The following SMURF2 variants were observed in gnomAD, a reference collection of about 807,000 sequenced individuals.
SMURF2 encodes E3 ubiquitin-protein ligase SMURF2.
In SMURF2, 48 loss-of-function variants were observed where a neutral mutation model predicts 109.6. That is an observed-to-expected ratio of 0.44 (90% CI 0.35 to 0.56). The LOEUF (loss-of-function observed/expected upper bound fraction) is 0.56, where lower values mean the gene tolerates loss of function less well. Among genes scored for constraint, SMURF2 ranks in the 20% least tolerant of loss-of-function variants. SMURF2 has a pLI of 0.01. For missense variants in SMURF2, 575 were observed against 909.0 expected (o/e 0.63, Z 4.72); for synonymous variants, 288 against 317.1 (o/e 0.91, Z 0.97).
intron 15 of SMURF2, 54 bp downstream of exon 15, chr17:64,554,802 T>C: frequency 6.5e-7 from 1 of 1,548,546 alleles, no homozygotes; most frequent in Non-Finnish European, 8.9e-7. Flanking sequence ...TTGTTCATAC[T>C]AACATTCTAG....
In SMURF2 at chr17:64,545,716, T is replaced by TAA. The variant is rs1555683029; in HGVS notation, c.*130_*131dup. Reference sequence around the variant, plus strand: ...TTTCCCCTCACAGTGTCCTAAAATGTAAAAAAAAAAAAAAAAAGGGGGGGG... The same window carrying TAA: ...TTTCCCCTCACAGTGTCCTAAAATGTAAAAAAAAAAAAAAAAAAAGGGGGGGG... On this transcript the variant is annotated 3_prime_UTR_variant, in exon 19 of 19. Transcript: ENST00000262435. The TAA allele has an allele frequency of 5.9e-4, 80 of 134,660 alleles. 1 individual carries two copies. Among genetic ancestry groups the TAA allele is most frequent in the Non-Finnish European group, 6.5e-4 (46 of 70,390 alleles). The allele number at this position is 134,660 out of a possible 1,614,324, so 8.3% of individuals were successfully genotyped here. A position where few individuals can be genotyped will look rare whatever the true frequency, so the allele number is the denominator to read the frequency against.
At position 64,544,537 on chromosome 17, in the gene SMURF2, G is replaced by A. The variant is rs900895021; in HGVS notation, c.*1311C>T. On this transcript the variant is annotated 3_prime_UTR_variant, in exon 19 of 19. Coordinates refer to ENST00000262435, the MANE Select transcript of SMURF2 (RefSeq NM_022739.4). ...TTCAATCCCTCACCCCAGAGTTTTC[G>A]TTGCTTCTGGATCATTCAACATGCA... The A allele has an allele frequency of 2.6e-5, 4 of 151,956 alleles. 1 individual carries two copies. The highest frequency in any genetic ancestry group is 4.4e-5 in the Non-Finnish European group (3 of 68,002). 9.4% of individuals were successfully genotyped at this position (151,956 alleles called of 1,614,324 possible). A position where few individuals can be genotyped will look rare whatever the true frequency, so the allele number is the denominator to read the frequency against.
intron 10 of SMURF2, 74 bp downstream of exon 10, chr17:64,571,724 T>G: frequency 2.1e-6 from 3 of 1,417,910 alleles, no homozygotes; most frequent in Non-Finnish European, 2.9e-6. Flanking sequence ...GAGACTCACA[T>G]TTATTATTAA....
chr17:64,614,000 G>C (rs544810625), intron 1 of SMURF2, among the ~76,000 whole-genome samples: 1 of 151,810 alleles, frequency 6.6e-6, no homozygotes. Flanking sequence ...TAGATCCCTC[G>C]CATGCGCAGT....
rs548461235 is a variant in SMURF2, at chr17:64,561,536, C to G, written c.1280G>C (p.Arg427Pro). ...TCCATAGTCAAGGCCTTCTTCTCCACGAAATTTTATCATTAATCGCTTCCA... is the reference window on the plus strand; with the variant it reads ...TCCATAGTCAAGGCCTTCTTCTCCAGGAAATTTTATCATTAATCGCTTCCA... ...DLWKRLMIKF[R>P]GEEGLDYGGV... is the part of the protein sequence containing the mutation. The change falls in exon 12 of 19, where the codon CGT becomes CCT. Residue 427 changes from arginine to proline, a missense_variant. Physicochemically the swap from Arg to Pro is moderately radical, Grantham distance 103. Coordinates refer to ENST00000262435, the MANE Select transcript of SMURF2 (RefSeq NM_022739.4). 1.2e-6 allele frequency: 2 copies of G among 1,613,958 alleles called. No individual in the cohort carries two copies. The highest frequency in any genetic ancestry group is 2.2e-5 in the East Asian group (1 of 44,872).
At chr17:64,613,717 TGTGTGTGTGTGTGTGTGTGTGTGTGTGG>T (rs2144685591) in intron 1 of SMURF2, among the ~76,000 whole-genome samples, 1 of 136,144 alleles carries the variant, frequency 7.3e-6, no homozygotes, top group African/African-American at 2.8e-5. Context: ...TGTGTGTGTG[TGTGTGTGTGTGTGTGTGTGTGTGTGTGG>T]AGGGGGGGCA....
chr17:64,662,201 G>T lies in SMURF2; in HGVS notation c.-321C>A. 2 of 1,035,068 alleles carry T rather than the reference G, an allele frequency of 1.9e-6. No homozygotes were observed. Among genetic ancestry groups the T allele is most frequent in the Non-Finnish European group, 2.3e-6 (2 of 862,962 alleles). The allele number at this position is 1,035,068 out of a possible 1,614,324, so 64.1% of individuals were successfully genotyped here. ...GGCCTTTCCCTCCTCTCGTCTCGGC[G>T]AGGCCCAGTAGCCGACGGGGCTGGT... On this transcript the variant is annotated 5_prime_UTR_variant, in exon 1 of 19. Transcript: ENST00000262435.
intron 1 of SMURF2, among the ~76,000 whole-genome samples, chr17:64,611,362 C>T (rs1970042135): frequency 6.6e-6 from 1 of 152,190 alleles, no homozygotes; most frequent in African/African-American, 2.4e-5. Flanking sequence ...TATGATGATA[C>T]CTAAATTCAT....
At chr17:64,594,632 T>C (rs1169509308) in intron 3 of SMURF2, among the ~76,000 whole-genome samples, 1 of 152,162 alleles carries the variant, frequency 6.6e-6, no homozygotes, top group Non-Finnish European at 1.5e-5. Context: ...TACTGGCATG[T>C]AATTCCAGAG....
intron 1 of SMURF2, among the ~76,000 whole-genome samples, chr17:64,623,308 G>C (rs1970228087): frequency 6.6e-6 from 1 of 152,006 alleles, no homozygotes; most frequent in African/African-American, 2.4e-5. Context: ...ACTTAACTTT[G>C]ATCTCCACTG....
intron 1 of SMURF2, among the ~76,000 whole-genome samples, chr17:64,634,754 A>G (rs1970392680): frequency 6.6e-6 from 1 of 152,186 alleles, no homozygotes; most frequent in Non-Finnish European, 1.5e-5. Flanking sequence ...ATATTTGTTC[A>G]ATTCAAGCTT....
intron 16 of SMURF2, among the ~76,000 whole-genome samples, chr17:64,550,649 A>G (rs7223085): frequency 0.095 from 14,319 of 151,424 alleles, 1,094 homozygotes; most frequent in African/African-American, 0.2. Context: ...ACGTGGTGGC[A>G]GGTGCCTGTA....
chr17:64,636,757 C>T (rs965938361), intron 1 of SMURF2, among the ~76,000 whole-genome samples: 2 of 149,686 alleles, frequency 1.3e-5, no homozygotes, highest in Non-Finnish European at 3.0e-5. Flanking sequence ...CCTGCCTAGG[C>T]GACAGAGCAA....
chr17:64,607,754 T>C (rs1969989402), intron 1 of SMURF2, among the ~76,000 whole-genome samples: 1 of 151,444 alleles, frequency 6.6e-6, no homozygotes, highest in Non-Finnish European at 1.5e-5. Context: ...CTGGATCGCT[T>C]GAGGTCAGGA....
At chr17:64,655,254 T>C (rs1224378574) in intron 1 of SMURF2, among the ~76,000 whole-genome samples, 1 of 92,164 alleles carries the variant, frequency 1.1e-5, no homozygotes. Flanking sequence ...TGAAATGTCT[T>C]TTTTTTTTTT....
intron 10 of SMURF2, among the ~76,000 whole-genome samples, chr17:64,570,201 G>C (rs1009629083): frequency 6.6e-6 from 1 of 152,092 alleles, no homozygotes; most frequent in Non-Finnish European, 1.5e-5. Flanking sequence ...AATGAAACAA[G>C]GACATTTTCA....
At chr17:64,559,767 G>C (rs1317196613) in intron 12 of SMURF2, among the ~76,000 whole-genome samples, 2 of 133,302 alleles carry the variant, frequency 1.5e-5, no homozygotes, top group Non-Finnish European at 3.2e-5. Flanking sequence ...TTTTTTTTTT[G>C]AGACGGAGTC....
chr17:64,595,284 G>A (rs1329289455), intron 3 of SMURF2, among the ~76,000 whole-genome samples: 1 of 152,132 alleles, frequency 6.6e-6, no homozygotes. Flanking sequence ...TTACTTAAGC[G>A]TACATGTCAC....
chr17:64,634,626 T>G (rs544053620), intron 1 of SMURF2, among the ~76,000 whole-genome samples: 7 of 152,222 alleles, frequency 4.6e-5, no homozygotes, highest in Non-Finnish European at 8.8e-5. Flanking sequence ...TCCATTTCCC[T>G]GAAGTTTTTT....
Sources: allele counts gnomAD v4.1 joint callset (sites outside exome capture counted in the v4.1 genomes callset), GRCh38; gene constraint gnomAD v4.1.1; transcripts MANE v1.5; gene names NCBI Gene and HGNC (gene_info 2026-07-23, HGNC 2026-07-21).